Variants in COLGALT2 observed in about 807,000 individuals in gnomAD.
COLGALT2 encodes collagen beta(1-O)galactosyltransferase 2.
A neutral mutation model predicts 73.4 loss-of-function variants in COLGALT2; 49 were observed. The observed-to-expected ratio is 0.67, with a 90% CI of 0.53 to 0.85. The LOEUF (loss-of-function observed/expected upper bound fraction) is 0.85. Ranked by LOEUF, COLGALT2 falls within the 40% of genes least tolerant of loss-of-function variation. COLGALT2 has a pLI of 0.00. For missense variants in COLGALT2, 722 were observed against 790.2 expected, an observed-to-expected ratio of 0.91 and a Z score of 1.03; for synonymous variants, 295 against 307.6, an observed-to-expected ratio of 0.96 and a Z score of 0.43.
At chr1:183,973,586 A>G in intron 4 of COLGALT2, 30 bp downstream of exon 4, 3 of 1,613,328 alleles carry the variant, frequency 1.9e-6, no homozygotes, top group Non-Finnish European at 2.5e-6. Flanking sequence ...TAAAACTAGT[A>G]GCCTTAATTC....
At chr1:184,015,786 C>A (rs1183491945) in intron 1 of COLGALT2, among the ~76,000 whole-genome samples, 1 of 152,156 alleles carries the variant, frequency 6.6e-6, no homozygotes, top group African/African-American at 2.4e-5. Flanking sequence ...GTTCACAGAA[C>A]ACCTTGTGGT....
chr1:183,959,793 G>A lies in COLGALT2; in HGVS notation c.952+4108C>T, dbSNP rs1200223443. The stretch of plus-strand genomic sequence containing the variant: ...CTAAATTCCTTACCATGGCCAGAAT[G>A]TTCGGTGTGATCTGGACATTTCTTC... On this transcript the variant is annotated intron_variant, in intron 6 of 11. Coordinates refer to ENST00000361927, the MANE Select transcript of COLGALT2 (RefSeq NM_015101.4). Among the ~76,000 whole-genome samples the A allele has an allele frequency of 2.6e-5, 4 of 152,216 alleles. No individual in the cohort carries two copies. The East Asian group carries it at 7.7e-4, about 29-fold the overall frequency.
chr1:184,035,350 T>C (rs927598548), intron 1 of COLGALT2, among the ~76,000 whole-genome samples: 12 of 152,230 alleles, frequency 7.9e-5, no homozygotes, highest in African/African-American at 2.4e-4. Flanking sequence ...ATCAAACTAG[T>C]AATAAACAAC....
chr1:183,951,624 A>G (rs1342749652), intron 7 of COLGALT2, among the ~76,000 whole-genome samples: 1 of 152,210 alleles, frequency 6.6e-6, no homozygotes, highest in Admixed American at 6.5e-5. Context: ...AATAATACTC[A>G]GGAATAAATT....
At chr1:183,945,367 C>T (rs1213724642) in intron 9 of COLGALT2, 65 bp downstream of exon 9, 3 of 1,572,320 alleles carry the variant, frequency 1.9e-6, no homozygotes, top group African/African-American at 2.7e-5. Flanking sequence ...CCCTAACTCA[C>T]CTACGATAGC....
intron 8 of COLGALT2, chr1:183,945,832 A>T (rs1373031252): frequency 2.1e-6 from 1 of 477,080 alleles, no homozygotes; most frequent in African/African-American, 1.9e-5. Context: ...ACAAGATTTA[A>T]TAAGTACACT....
chr1:184,010,325 C>A (rs1672201863), intron 1 of COLGALT2, among the ~76,000 whole-genome samples: 1 of 152,224 alleles, frequency 6.6e-6, no homozygotes. Context: ...CAGGTTCAAT[C>A]TGGCCCACAG....
chr1:183,939,758 T>C (rs1038494080), intron 11 of COLGALT2, among the ~76,000 whole-genome samples: 1 of 152,132 alleles, frequency 6.6e-6, no homozygotes, highest in Non-Finnish European at 1.5e-5. Context: ...TGAGACCATC[T>C]AGTGACGAGA....
At chr1:183,986,036 G>A (rs190884028) in intron 1 of COLGALT2, among the ~76,000 whole-genome samples, 12 of 152,066 alleles carry the variant, frequency 7.9e-5, no homozygotes, top group South Asian at 2.1e-4. Flanking sequence ...ATCGAGTCCC[G>A]CCACCTCTGT....
intron 6 of COLGALT2, among the ~76,000 whole-genome samples, chr1:183,958,277 T>C (rs1414323214): frequency 6.6e-6 from 1 of 152,136 alleles, no homozygotes; most frequent in East Asian, 1.9e-4. Context: ...GACCATCCCC[T>C]TCACAAGATT....
chr1:184,002,779 C>T (rs1174587828), intron 1 of COLGALT2, among the ~76,000 whole-genome samples: 1 of 152,150 alleles, frequency 6.6e-6, no homozygotes, highest in Non-Finnish European at 1.5e-5. Context: ...TCATCACTCT[C>T]AGCCAAAATA....
At chr1:183,983,306 C>T (rs1671401695) in intron 1 of COLGALT2, among the ~76,000 whole-genome samples, 1 of 152,200 alleles carries the variant, frequency 6.6e-6, no homozygotes, top group Admixed American at 6.5e-5. Context: ...CACACCAGCC[C>T]ACCGAGGAAG....
chr1:183,960,105 T>C lies in COLGALT2; in HGVS notation c.952+3796A>G, dbSNP rs191507005. ...CTTGAACAATCTGCGGGGTACAGTA[T>C]GTGTTGAATAAATCCTTACAGCCTG... On this transcript the variant is annotated intron_variant, in intron 6 of 11. Transcript: ENST00000361927. Among the ~76,000 whole-genome samples the C allele has an allele frequency of 1.0e-3, 154 of 152,346 alleles. 1 individual carries two copies. Among genetic ancestry groups the C allele is most frequent in the African/African-American group, 3.7e-3 (153 of 41,584 alleles).
chr1:184,031,965 C>T (rs188965715), intron 1 of COLGALT2, among the ~76,000 whole-genome samples: 17 of 151,716 alleles, frequency 1.1e-4, no homozygotes, highest in South Asian at 4.2e-4. Context: ...GGCTCAATCT[C>T]GGCTTGCTGC....
intron 10 of COLGALT2, among the ~76,000 whole-genome samples, chr1:183,941,287 G>A (rs1670100148): frequency 6.6e-6 from 1 of 152,122 alleles, no homozygotes; most frequent in African/African-American, 2.4e-5. Flanking sequence ...TGAAGGTTCT[G>A]GGAACCCAAG....
chr1:183,945,113 AT>A (rs1670213919), intron 9 of COLGALT2, among the ~76,000 whole-genome samples: 1 of 152,192 alleles, frequency 6.6e-6, no homozygotes, highest in Non-Finnish European at 1.5e-5. Context: ...GATTTCTTGT[AT>A]AAAATCACTT....
At chr1:184,029,403 C>G (rs1025368699) in intron 1 of COLGALT2, among the ~76,000 whole-genome samples, 2 of 152,198 alleles carry the variant, frequency 1.3e-5, no homozygotes, top group Non-Finnish European at 2.9e-5. Context: ...GTTCCTTCAG[C>G]AGCCTGAGGT....
At chr1:184,006,241 A>G (rs988092314) in intron 1 of COLGALT2, among the ~76,000 whole-genome samples, 1 of 152,216 alleles carries the variant, frequency 6.6e-6, no homozygotes, top group Admixed American at 6.5e-5. Flanking sequence ...TATTCGGTTC[A>G]TAAATCTTTA....
chr1:184,021,030 C>T (rs527329326), intron 1 of COLGALT2, among the ~76,000 whole-genome samples: 139 of 152,150 alleles, frequency 9.1e-4, no homozygotes, highest in African/African-American at 3.1e-3. Context: ...CCTGAGAAGT[C>T]ACAGGATCTC....
Sources: gnomAD v4.1 joint callset for allele counts (sites outside exome capture counted in the v4.1 genomes callset) on GRCh38, gnomAD v4.1.1 for gene constraint, MANE v1.5 for transcripts, NCBI Gene and HGNC (gene_info 2026-07-23, HGNC 2026-07-21) for gene names.